The following GNG4 variants were observed in gnomAD, a reference collection of about 807,000 sequenced individuals.
GNG4 encodes G protein subunit gamma 4, also known as guanine nucleotide-binding protein G(I)/G(S)/G(O) subunit gamma-4.
In GNG4, 4 loss-of-function variants were observed where a neutral mutation model predicts 5.8. That is an observed-to-expected ratio of 0.69 (90% CI 0.34 to 1.57). GNG4 has a LOEUF of 1.57. Among genes scored for constraint, GNG4 ranks in the 40% most tolerant of loss-of-function variants. GNG4 has a pLI of 0.06. For missense variants in GNG4, 96 were observed against 95.1 expected, an observed-to-expected ratio of 1.01 and a Z score of -0.04; for synonymous variants, 29 against 32.9, an observed-to-expected ratio of 0.88 and a Z score of 0.41.
rs1031255340 is a variant in GNG4 at position 235,635,866 on chromosome 1, T to C, written c.-123+13796A>G. On this transcript the variant is annotated intron_variant, in intron 1 of 3. Transcript: ENST00000391854. ...GGATACAAACACATGGCAGTCGCAA[T>C]TGCTCTACACAGGTTTCCTGGGTTG... Among the ~76,000 whole-genome samples, 4 of 152,066 alleles carry C rather than the reference T, an allele frequency of 2.6e-5. No homozygotes were observed. The East Asian group carries it at 5.8e-4, about 22-fold the overall frequency.
chr1:235,606,940 T>C (rs1041117278), intron 1 of GNG4, among the ~76,000 whole-genome samples: 2 of 147,174 alleles, frequency 1.4e-5, no homozygotes, highest in Admixed American at 1.3e-4. Context: ...CCTTCCTTTC[T>C]TTCCTTTTTT....
intron 1 of GNG4, among the ~76,000 whole-genome samples, chr1:235,608,531 C>T (rs991915292): frequency 2.0e-5 from 3 of 152,190 alleles, no homozygotes; most frequent in African/African-American, 7.2e-5. Flanking sequence ...CTCTTCACTT[C>T]CCGCTCCTCC....
chr1:235,617,263 T>C (rs900566173), intron 1 of GNG4, among the ~76,000 whole-genome samples: 8 of 152,194 alleles, frequency 5.3e-5, no homozygotes, highest in African/African-American at 1.9e-4. Context: ...GTCTGCTTAG[T>C]TGCCTATTAC....
At chr1:235,626,958 CAAAAAAAAAAAAAAAAAAAAAAAAAAAA>C (rs776506587) in intron 1 of GNG4, among the ~76,000 whole-genome samples, 16 of 77,344 alleles carry the variant, frequency 2.1e-4, no homozygotes, top group Non-Finnish European at 1.7e-4. Flanking sequence ...GACTCTATCT[CAAAAAAAAAAAAAAAAAAAAAAAAAAAA>C]AAAAAAAAAA....
intron 1 of GNG4, among the ~76,000 whole-genome samples, chr1:235,599,615 C>T (rs375362536): frequency 6.6e-6 from 1 of 152,064 alleles, no homozygotes; most frequent in African/African-American, 2.4e-5. Context: ...TGCACCCAGC[C>T]GAATCTGCGT....
chr1:235,624,394 G>A (rs1314109825), intron 1 of GNG4, among the ~76,000 whole-genome samples: 3 of 152,004 alleles, frequency 2.0e-5, no homozygotes, highest in Non-Finnish European at 2.9e-5. Context: ...TTGCAAGTGT[G>A]AGCCCCCGTG....
At chr1:235,607,490 G>A (rs941188021) in intron 1 of GNG4, among the ~76,000 whole-genome samples, 1 of 152,194 alleles carries the variant, frequency 6.6e-6, no homozygotes, top group African/African-American at 2.4e-5. Context: ...GCCTACTCTC[G>A]GGAGGCAGCC....
rs1292533277 is a variant in GNG4, at chr1:235,547,926, T to C, written c.*4183A>G. The C allele has an allele frequency of 6.6e-6, 1 of 152,226 alleles. No individual in the cohort carries two copies. The highest frequency in any genetic ancestry group is 2.4e-5 in the African/African-American group (1 of 41,462). The allele number at this position is 152,226 out of a possible 1,614,324, so 9.4% of individuals were successfully genotyped here. ...GAATTTTGCTGGGTTTTAAACTTTA[T>C]ATAAATGGAATCCTATGGTGCATTT... On this transcript the variant is annotated 3_prime_UTR_variant, in exon 4 of 4. Transcript: ENST00000391854.
At chr1:235,583,706 G>A (rs369681369) in intron 3 of GNG4, 34 bp downstream of exon 3, 36 of 1,362,322 alleles carry the variant, frequency 2.6e-5, no homozygotes, top group Non-Finnish European at 3.1e-5. Flanking sequence ...GCTGAGCTTC[G>A]GGCGGAGGGT....
At chr1:235,618,283 C>T (rs1688638561) in intron 1 of GNG4, among the ~76,000 whole-genome samples, 1 of 152,166 alleles carries the variant, frequency 6.6e-6, no homozygotes, top group Admixed American at 6.5e-5. Context: ...GTTACCGCTT[C>T]CTCCCTCACA....
chr1:235,614,284 A>G (rs753759915), intron 1 of GNG4, among the ~76,000 whole-genome samples: 3 of 143,410 alleles, frequency 2.1e-5, no homozygotes, highest in Non-Finnish European at 3.1e-5. Context: ...GGTCATTTGT[A>G]TTTTTTTTTT....
intron 1 of GNG4, among the ~76,000 whole-genome samples, chr1:235,627,587 G>T (rs1688842266): frequency 6.6e-6 from 1 of 152,188 alleles, no homozygotes; most frequent in Non-Finnish European, 1.5e-5. Context: ...GTACGGCACA[G>T]GGGGCTGTGA....
At chr1:235,603,564 C>G (rs112152054) in intron 1 of GNG4, among the ~76,000 whole-genome samples, 1 of 152,050 alleles carries the variant, frequency 6.6e-6, no homozygotes, top group African/African-American at 2.4e-5. Flanking sequence ...TTCCCCACTC[C>G]GACTTCAACC....
upstream of GNG4, among the ~76,000 whole-genome samples, chr1:235,650,232 T>G (rs1657642029): frequency 1.8e-4 from 1 of 5,702 alleles, no homozygotes; most frequent in East Asian, 4.5e-3. Flanking sequence ...TGGAGGGGTC[T>G]GTGGGGCGGG....
At position 235,583,737 on chromosome 1, in the gene GNG4, T is replaced by C. The variant is rs377388557; in HGVS notation, c.99+3A>G. On this transcript the variant is annotated splice_donor_region_variant and intron_variant, in intron 3 of 3. Transcript: ENST00000391854. ...AGGGTGGGGCTGACGCATGCATGCT[T>C]ACCTTGACCCTGTCCATACAGGCTT... The C allele has an allele frequency of 6.6e-5, 106 of 1,597,388 alleles. No individual in the cohort carries two copies. The highest frequency in any genetic ancestry group is 8.3e-5 in the Non-Finnish European group (97 of 1,165,170).
chr1:235,570,961 CCTTT>C lies in GNG4; in HGVS notation c.99+12775_99+12778del, dbSNP rs1298871409. ...ACACACACACATATATATATACATA[CCTTT>C]TTTTTTTTTTTTTTTTGAAGAGATA... On this transcript the variant is annotated intron_variant, in intron 3 of 3. Coordinates refer to ENST00000391854, the MANE Select transcript of GNG4 (RefSeq NM_001098722.2). 6.8e-5 allele frequency among the ~76,000 whole-genome samples: 6 copies of C among 88,592 alleles called. No individual in the cohort carries two copies. In the East Asian group the frequency reaches 2.1e-3, roughly 31 times the overall value. The allele number at this position is 88,592 out of a possible 152,430, so 58.1% of individuals were successfully genotyped here.
intron 3 of GNG4, among the ~76,000 whole-genome samples, chr1:235,582,178 A>G (rs1436617815): frequency 6.6e-6 from 1 of 152,006 alleles, no homozygotes; most frequent in Non-Finnish European, 1.5e-5. Context: ...GCCTCTCTTG[A>G]TTACTCAGAG....
intron 1 of GNG4, among the ~76,000 whole-genome samples, chr1:235,604,119 G>A (rs940089694): frequency 1.3e-5 from 2 of 152,198 alleles, no homozygotes; most frequent in Non-Finnish European, 2.9e-5. Context: ...CTTACTGACT[G>A]TGATGTTAAT....
At chr1:235,574,327 C>T (rs1309236070) in intron 3 of GNG4, among the ~76,000 whole-genome samples, 1 of 151,750 alleles carries the variant, frequency 6.6e-6, no homozygotes, top group African/African-American at 2.4e-5. Context: ...GCCAAGGTCA[C>T]GCCACTGCAC....
Sources: gnomAD v4.1 joint callset for allele counts (sites outside exome capture counted in the v4.1 genomes callset) on GRCh38, gnomAD v4.1.1 for gene constraint, MANE v1.5 for transcripts, NCBI Gene and HGNC (gene_info 2026-07-23, HGNC 2026-07-21) for gene names.